HECW2: variants seen among roughly 807,000 people sequenced by gnomAD.
The protein encoded by HECW2 is E3 ubiquitin-protein ligase HECW2.
A neutral mutation model predicts 175.2 loss-of-function variants in HECW2; 61 were observed. The observed-to-expected ratio is 0.35, with a 90% CI of 0.28 to 0.43. The LOEUF (loss-of-function observed/expected upper bound fraction) is 0.43, where lower values mean the gene tolerates loss of function less well. Among genes scored for constraint, HECW2 ranks in the 20% least tolerant of loss-of-function variants. The probability of loss-of-function intolerance (pLI) is 1.00; values close to 1 mark genes in which losing one functional copy is unlikely to be tolerated. For missense variants in HECW2, 1,524 were observed against 2,000.5 expected (o/e 0.76, Z 4.54); for synonymous variants, 671 against 731.0 (o/e 0.92, Z 1.32).
At position 196,220,280 on chromosome 2, in the gene HECW2, G is replaced by C. The variant is rs917226867; in HGVS notation, c.4294-127C>G. ...ATGTGTGTACCTTGTGTTGGCACTT[G>C]AAAACCTGTAAAGCTCCCTACAAAT... On this transcript the variant is annotated intron_variant, in intron 25 of 28. Coordinates refer to ENST00000644978, the MANE Select transcript of HECW2 (RefSeq NM_001348768.2). 7.7e-6 allele frequency: 5 copies of C among 651,610 alleles called. No individual in the cohort carries two copies. In the African/African-American group the frequency reaches 9.1e-5, roughly 12 times the overall value. 40.4% of individuals were successfully genotyped at this position (651,610 alleles called of 1,614,324 possible). A position where few individuals can be genotyped will look rare whatever the true frequency, so the allele number is the denominator to read the frequency against.
intron 1 of HECW2, among the ~76,000 whole-genome samples, chr2:196,486,260 A>C (rs1476291366): frequency 6.6e-6 from 1 of 152,240 alleles, no homozygotes; most frequent in South Asian, 2.1e-4. Context: ...ATGGAGTCAC[A>C]ACATTTCTCT....
At chr2:196,339,146 G>C (rs895933061) in intron 3 of HECW2, among the ~76,000 whole-genome samples, 1 of 152,128 alleles carries the variant, frequency 6.6e-6, no homozygotes, top group African/African-American at 2.4e-5. Context: ...TCCATCCAAG[G>C]GGCAAAAAGA....
chr2:196,435,932 A>G (rs1249092408), intron 1 of HECW2, among the ~76,000 whole-genome samples: 1 of 152,230 alleles, frequency 6.6e-6, no homozygotes, highest in Non-Finnish European at 1.5e-5. Context: ...TACTTTAATT[A>G]TATCAAGAAC....
rs752677277 is a variant in HECW2 at position 196,201,275 on chromosome 2, G to C, written c.*2C>G. On this transcript the variant is annotated 3_prime_UTR_variant, in exon 29 of 29. Transcript: ENST00000644978. Reference sequence around the variant, plus strand: ...CACAGAGATGGGCATTCAGCTTCCAGGTCACTCAAGTCCAAAAGTACTGGT... The same window carrying C: ...CACAGAGATGGGCATTCAGCTTCCACGTCACTCAAGTCCAAAAGTACTGGT... 7 of 1,595,482 alleles carry C rather than the reference G, an allele frequency of 4.4e-6. No individual in the cohort carries two copies. Among genetic ancestry groups the C allele is most frequent in the Non-Finnish European group, 5.2e-6 (6 of 1,163,070 alleles).
intron 2 of HECW2, among the ~76,000 whole-genome samples, chr2:196,388,300 A>C (rs1441228659): frequency 6.6e-6 from 1 of 152,166 alleles, no homozygotes; most frequent in Non-Finnish European, 1.5e-5. Context: ...TCTCAAAAAA[A>C]ATTACAATTT....
intron 26 of HECW2, among the ~76,000 whole-genome samples, chr2:196,219,269 T>C (rs1361432073): frequency 2.0e-5 from 3 of 152,224 alleles, no homozygotes; most frequent in Admixed American, 2.0e-4. Context: ...TCTGAAGGCT[T>C]CCTAACATGG....
chr2:196,258,028 T>G (rs1455467478), intron 17 of HECW2, 122 bp from the exon 18 acceptor site: 5 of 665,596 alleles, frequency 7.5e-6, no homozygotes, highest in Admixed American at 2.6e-5. Context: ...TGGCAGCTAC[T>G]GTGTAATACC....
intron 1 of HECW2, among the ~76,000 whole-genome samples, chr2:196,451,952 A>C (rs192022842): frequency 6.6e-6 from 1 of 152,234 alleles, no homozygotes; most frequent in Non-Finnish European, 1.5e-5. Context: ...ACTTTCTCCA[A>C]TTGGTCTTCA....
intron 21 of HECW2, among the ~76,000 whole-genome samples, chr2:196,233,176 G>A (rs1371285460): frequency 6.6e-6 from 1 of 152,160 alleles, no homozygotes; most frequent in African/African-American, 2.4e-5. Flanking sequence ...AGTTAGGTTG[G>A]TTCCACAGCT....
At position 196,220,910 on chromosome 2, in the gene HECW2, G is replaced by A. The variant is rs1687641878; in HGVS notation, c.4178C>T (p.Ala1393Val). 2 of 1,613,908 alleles carry A rather than the reference G, an allele frequency of 1.2e-6. No individual in the cohort carries two copies. Among genetic ancestry groups the A allele is most frequent in the Non-Finnish European group, 1.7e-6 (2 of 1,179,936 alleles). The change falls in exon 25 of 29, where the codon GCC becomes GTC. Residue 1393 changes from alanine (A) to valine (V), a missense_variant. Physicochemically the swap from Ala to Val is moderately conservative, Grantham distance 64. Coordinates refer to ENST00000644978, the MANE Select transcript of HECW2 (RefSeq NM_001348768.2). ...GTTCTTCTCTGTAACTGGGATATTG[G>A]CACCCCCTGGCTTTAATTCTCGTTC... The part of the protein sequence containing the change: ...ITERELKPGG[A>V]NIPVTEKNKK...
At chr2:196,580,947 G>A (rs753642263) in intron 1 of HECW2, among the ~76,000 whole-genome samples, 1 of 152,176 alleles carries the variant, frequency 6.6e-6, no homozygotes, top group Non-Finnish European at 1.5e-5. Context: ...AACTCATGCA[G>A]TGAAATATTT....
intron 23 of HECW2, among the ~76,000 whole-genome samples, chr2:196,224,337 T>C (rs962956333): frequency 3.3e-5 from 5 of 152,086 alleles, no homozygotes; most frequent in South Asian, 2.1e-4. Flanking sequence ...CTGTTGACCA[T>C]GTGAGGCTAC....
chr2:196,312,168 G>T (rs893047688), intron 10 of HECW2, among the ~76,000 whole-genome samples: 9 of 147,366 alleles, frequency 6.1e-5, no homozygotes, highest in Non-Finnish European at 1.2e-4. Context: ...ATCGGATGAG[G>T]TGTGAATACA....
At chr2:196,322,776 C>A (rs1346218865) in intron 6 of HECW2, among the ~76,000 whole-genome samples, 156 bp from the exon 7 acceptor site, 1 of 152,162 alleles carries the variant, frequency 6.6e-6, no homozygotes, top group East Asian at 1.9e-4. Context: ...ATCCTTTATT[C>A]ACTCAGAATG....
At chr2:196,257,158 T>C (rs1228701962) in intron 18 of HECW2, among the ~76,000 whole-genome samples, 1 of 152,230 alleles carries the variant, frequency 6.6e-6, no homozygotes, top group African/African-American at 2.4e-5. Flanking sequence ...ATTATTTTAC[T>C]ATGGCTTGCC....
At position 196,322,502 on chromosome 2, in the gene HECW2, C is replaced by G; in HGVS notation, c.860G>C (p.Arg287Thr). The G allele has an allele frequency of 6.2e-7, 1 of 1,613,930 alleles. No homozygotes were observed. The highest frequency in any genetic ancestry group is 1.1e-5 in the South Asian group (1 of 91,036). The change falls in exon 7 of 29, where the codon AGG (arginine) becomes ACG (threonine). Residue 287 changes from arginine (R) to threonine (T), a missense_variant. Transcript: ENST00000644978. Reference sequence around the variant, plus strand: ...CCCGATGGCTTGTCGCTCCAGCAGCCTCTGGACTGGAATGGTTAGTTTCCC... The same window carrying G: ...CCCGATGGCTTGTCGCTCCAGCAGCGTCTGGACTGGAATGGTTAGTTTCCC... ...FLGKLTIPVQRLLERQAIGDQ... is the reference protein window; with the variant it reads ...FLGKLTIPVQTLLERQAIGDQ...
At chr2:196,565,193 C>T (rs1690141008) in intron 1 of HECW2, among the ~76,000 whole-genome samples, 1 of 152,008 alleles carries the variant, frequency 6.6e-6, no homozygotes, top group Non-Finnish European at 1.5e-5. Flanking sequence ...TTAACTCACC[C>T]ACAAAATAGT....
chr2:196,289,524 C>T (rs1690524945), intron 14 of HECW2: 3 of 152,078 alleles, frequency 2.0e-5, no homozygotes, highest in Admixed American at 2.0e-4. Context: ...GGTGTCCACA[C>T]TAAGTTCCCC....
At chr2:196,467,959 T>C (rs977121145) in intron 1 of HECW2, among the ~76,000 whole-genome samples, 5 of 152,228 alleles carry the variant, frequency 3.3e-5, no homozygotes, top group African/African-American at 1.2e-4. Flanking sequence ...CTAATAATCA[T>C]ACTGGCAATA....
Sources: allele counts gnomAD v4.1 joint callset (sites outside exome capture counted in the v4.1 genomes callset), GRCh38; gene constraint gnomAD v4.1.1; transcripts MANE v1.5; gene names NCBI Gene and HGNC (gene_info 2026-07-23, HGNC 2026-07-21).